The following MBTPS1 variants were observed in gnomAD, a reference collection of about 807,000 sequenced individuals.
The protein encoded by MBTPS1 is membrane-bound transcription factor site-1 protease.
In MBTPS1, 94 loss-of-function variants were observed where a neutral mutation model predicts 127.8. That is an observed-to-expected ratio of 0.74 (90% CI 0.62 to 0.87). MBTPS1 has a LOEUF of 0.87. Ranked by LOEUF, MBTPS1 falls within the 40% of genes least tolerant of loss-of-function variation. The pLI is 0.00. For missense variants in MBTPS1, 1,636 were observed against 1,353.2 expected (o/e 1.21, Z -3.28); for synonymous variants, 632 against 509.4 (o/e 1.24, Z -3.24).
At chr16:84,091,486 C>CAAAAAAAAAAAAAAAAAAAAAAAAAAAA (rs10714716) in intron 7 of MBTPS1, among the ~76,000 whole-genome samples, 1 of 85,666 alleles carries the variant, frequency 1.2e-5, no homozygotes, top group Non-Finnish European at 2.2e-5. Flanking sequence ...AACTCCATCT[C>CAAAAAAAAAAAAAAAAAAAAAAAAAAAA]AAAAAAAAAA....
intron 11 of MBTPS1, among the ~76,000 whole-genome samples, chr16:84,080,010 G>C (rs11860307): frequency 0.26 from 39,759 of 152,150 alleles, 5,494 homozygotes; most frequent in East Asian, 0.43. Context: ...ACCAAGGCTA[G>C]AGCACAGAGG....
chr16:84,069,751 A>C (rs1296176190), intron 14 of MBTPS1, 115 bp downstream of exon 14: 8 of 975,552 alleles, frequency 8.2e-6, no homozygotes, highest in Admixed American at 5.1e-5. Context: ...CAGCGTCATC[A>C]GAGTCCAGGC....
Position 84,081,809 on chromosome 16 carries a change from G to C in MBTPS1, c.1386C>G (p.Gly462=). ...CTCTGAGCAGATCGAGCTTGCCGTG[G>C]CCTTGCTCAAACATGTTGACCCCGG... The part of the protein sequence containing the change: ...RLPGVNMFEQ[G]HGKLDLLRAY... The change falls in exon 11 of 23, where the codon GGC becomes GGG. Residue 462 remains glycine, a synonymous_variant. Coordinates refer to ENST00000343411, the MANE Select transcript of MBTPS1 (RefSeq NM_003791.4). 2 of 1,532,216 alleles carry C rather than the reference G, an allele frequency of 1.3e-6. No homozygotes were observed. The highest frequency in any genetic ancestry group is 1.8e-6 in the Non-Finnish European group (2 of 1,138,550). The allele number at this position is 1,532,216 out of a possible 1,614,324, so 94.9% of individuals were successfully genotyped here.
At chr16:84,074,882 G>A in intron 11 of MBTPS1, 141 bp from the exon 12 acceptor site, 8 of 695,754 alleles carry the variant, frequency 1.1e-5, no homozygotes, top group East Asian at 2.8e-5. Context: ...TGGCATCTGG[G>A]AACTTGGCTC....
At position 84,068,393 on chromosome 16, in the gene MBTPS1, A is replaced by G. The variant is rs781339323; in HGVS notation, c.2017T>C (p.Tyr673His). 1 of 1,614,278 alleles carries G rather than the reference A, an allele frequency of 6.2e-7. No individual in the cohort carries two copies. The highest frequency in any genetic ancestry group is 1.7e-5 in the Admixed American group (1 of 60,038). Residue 673 changes from tyrosine to histidine, a missense_variant, in exon 15 of 23, where the codon TAC becomes CAC. By Grantham distance (83) the Tyr-to-His change is moderately conservative. Coordinates refer to ENST00000343411, the MANE Select transcript of MBTPS1 (RefSeq NM_003791.4). ...DMYQHLRSMG[Y>H]FVEVLGAPFT... ...GGGGCCCCGAGGACCTCTACAAAGT[A>G]GCCCATGCTTCTCAGATGCTGGTAC...
chr16:84,058,796 C>A (rs528476214), intron 21 of MBTPS1, among the ~76,000 whole-genome samples: 1 of 152,288 alleles, frequency 6.6e-6, no homozygotes, highest in Non-Finnish European at 1.5e-5. Context: ...GTGGAGACAG[C>A]AGCAGAGGTC....
At chr16:84,077,779 C>T (rs984537262) in intron 11 of MBTPS1, among the ~76,000 whole-genome samples, 2 of 152,138 alleles carry the variant, frequency 1.3e-5, no homozygotes, top group Non-Finnish European at 1.5e-5. Context: ...GCAAAAACAC[C>T]TTACACTAAG....
At position 84,054,083 on chromosome 16, in the gene MBTPS1, A is replaced by T. The variant is rs2151136575; in HGVS notation, c.*366T>A. On this transcript the variant is annotated 3_prime_UTR_variant, in exon 23 of 23. Transcript: ENST00000343411. Reference sequence around the variant, plus strand: ...ACAATAAATATAGAAAATAGCCTTTAACAAGCGTCTTTTAGCTTGGTCAGG... The same window carrying T: ...ACAATAAATATAGAAAATAGCCTTTTACAAGCGTCTTTTAGCTTGGTCAGG... 1 of 173,360 alleles carries T rather than the reference A, an allele frequency of 5.8e-6. No homozygotes were observed. The highest frequency in any genetic ancestry group is 2.0e-4 in the South Asian group (1 of 5,108). The allele number at this position is 173,360 out of a possible 1,614,324, so 10.7% of individuals were successfully genotyped here.
chr16:84,097,860 G>GTGTGTGTGTT (rs2086198585), intron 3 of MBTPS1, among the ~76,000 whole-genome samples: 2 of 151,540 alleles, frequency 1.3e-5, no homozygotes, highest in South Asian at 2.1e-4. Context: ...GTGTGTGTGT[G>GTGTGTGTGTT]TGTGTGTGTG....
At chr16:84,072,679 A>T (rs2085787849) in intron 12 of MBTPS1, among the ~76,000 whole-genome samples, 1 of 152,030 alleles carries the variant, frequency 6.6e-6, no homozygotes, top group Admixed American at 6.6e-5. Flanking sequence ...AGTCCCAGCT[A>T]CTCGGGAGGC....
chr16:84,080,884 T>C (rs1352654496), intron 11 of MBTPS1, among the ~76,000 whole-genome samples: 2 of 152,222 alleles, frequency 1.3e-5, no homozygotes, highest in South Asian at 2.1e-4. Flanking sequence ...TGACGTCTGC[T>C]TCTTGGAGGA....
At chr16:84,069,392 T>C (rs1230791195) in intron 14 of MBTPS1, among the ~76,000 whole-genome samples, 4 of 151,836 alleles carry the variant, frequency 2.6e-5, no homozygotes, top group African/African-American at 2.4e-5. Flanking sequence ...AGGCAGTCAC[T>C]GGAGAGCTTG....
intron 1 of MBTPS1, among the ~76,000 whole-genome samples, chr16:84,107,275 G>T (rs943553799): frequency 6.6e-6 from 1 of 152,164 alleles, no homozygotes; most frequent in Non-Finnish European, 1.5e-5. Context: ...GAGCCTGGCC[G>T]CCAGACTGTA....
At chr16:84,074,989 C>T in intron 11 of MBTPS1, 1 of 310,540 alleles carries the variant, frequency 3.2e-6, no homozygotes. Flanking sequence ...AAGTCTGGAG[C>T]TTTGGGAGTT....
At chr16:84,102,309 C>G (rs760686739) in intron 1 of MBTPS1, among the ~76,000 whole-genome samples, 1 of 151,902 alleles carries the variant, frequency 6.6e-6, no homozygotes, top group Non-Finnish European at 1.5e-5. Flanking sequence ...AAGTGAGACC[C>G]TATGTCTAAA....
chr16:84,112,681 A>G (rs11645156), intron 1 of MBTPS1, among the ~76,000 whole-genome samples: 1 of 144,834 alleles, frequency 6.9e-6, no homozygotes, highest in Non-Finnish European at 1.5e-5. Flanking sequence ...AAAAAAAAAC[A>G]AAAAAAGAAT....
Position 84,063,452 on chromosome 16 carries a change from C to T in MBTPS1, c.2432-7G>A, listed in dbSNP as rs778078965. On this transcript the variant is annotated splice_polypyrimidine_tract_variant and splice_region_variant and intron_variant, in intron 18 of 22. Coordinates refer to ENST00000343411, the MANE Select transcript of MBTPS1 (RefSeq NM_003791.4). ...TGCTTTAAAACCTCCAATCCTGAAA[C>T]AACACAACAAAAAACAACAGCCATG... 13 of 1,611,068 alleles carry T rather than the reference C, an allele frequency of 8.1e-6. No homozygotes were observed. The highest frequency in any genetic ancestry group is 1.1e-5 in the Non-Finnish European group (13 of 1,177,884).
At chr16:84,077,247 A>AG (rs760155538) in intron 11 of MBTPS1, among the ~76,000 whole-genome samples, 5 of 116,428 alleles carry the variant, frequency 4.3e-5, no homozygotes, top group Admixed American at 9.1e-5. Flanking sequence ...AAAAAAAAAA[A>AG]AAAGAGAGAG....
chr16:84,077,309 A>AAATTAC (rs1455254091), intron 11 of MBTPS1, among the ~76,000 whole-genome samples: 1 of 152,078 alleles, frequency 6.6e-6, no homozygotes, highest in Non-Finnish European at 1.5e-5. Flanking sequence ...ACGAAAAAAA[A>AAATTAC]AATTACAAGG....
Sources: gnomAD v4.1 joint callset for allele counts (sites outside exome capture counted in the v4.1 genomes callset) on GRCh38, gnomAD v4.1.1 for gene constraint, MANE v1.5 for transcripts, NCBI Gene and HGNC (gene_info 2026-07-23, HGNC 2026-07-21) for gene names.